Variants in CTNNA2 observed in about 807,000 individuals in gnomAD.
CTNNA2 encodes the protein catenin alpha-2.
Under a neutral mutation model 101.0 loss-of-function variants are expected in CTNNA2, and 42 were observed. The ratio of observed to expected loss-of-function variants is 0.42; its 90% CI spans 0.32 to 0.54. The LOEUF (loss-of-function observed/expected upper bound fraction) is 0.54, where lower values mean the gene tolerates loss of function less well. Ranked by LOEUF, CTNNA2 falls within the 20% of genes least tolerant of loss-of-function variation. The pLI is 0.14. For synonymous variants in CTNNA2, 450 were observed against 456.4 expected, an observed-to-expected ratio of 0.99 and a Z score of 0.18; for missense variants, 871 against 1,223.1, an observed-to-expected ratio of 0.71 and a Z score of 4.29.
At chr2:80,111,311 T>C (rs575101816) in intron 7 of CTNNA2, among the ~76,000 whole-genome samples, 2 of 152,324 alleles carry the variant, frequency 1.3e-5, no homozygotes, top group East Asian at 3.9e-4. Context: ...GGCAATATGG[T>C]TCTGTGAGCA....
At chr2:80,225,133 G>T (rs1708803701) in intron 7 of CTNNA2, among the ~76,000 whole-genome samples, 1 of 152,106 alleles carries the variant, frequency 6.6e-6, no homozygotes, top group Admixed American at 6.5e-5. Context: ...GGTCAGTGCT[G>T]TCTCCTCCTT....
intron 7 of CTNNA2, among the ~76,000 whole-genome samples, chr2:79,996,408 G>C (rs1692548872): frequency 6.6e-6 from 1 of 152,114 alleles, no homozygotes; most frequent in South Asian, 2.1e-4. Context: ...ATTCTGATTT[G>C]AGATCCATGA....
intron 7 of CTNNA2, among the ~76,000 whole-genome samples, chr2:79,961,050 A>T (rs1689591994): frequency 1.3e-5 from 2 of 152,226 alleles, no homozygotes; most frequent in Admixed American, 1.3e-4. Flanking sequence ...GCGAATTAAA[A>T]TTGTGGATGG....
At chr2:80,545,355 T>C (rs1691951688) in intron 10 of CTNNA2, among the ~76,000 whole-genome samples, 1 of 152,170 alleles carries the variant, frequency 6.6e-6, no homozygotes, top group Non-Finnish European at 1.5e-5. Flanking sequence ...AAGGCCAGCC[T>C]GGGCAACATA....
Position 80,386,878 on chromosome 2 carries a change from A to AT in CTNNA2, c.1057-6333_1057-6332insT, listed in dbSNP as rs201122233. 4.4e-3 allele frequency among the ~76,000 whole-genome samples: 670 copies of AT among 152,322 alleles called. 6 individuals are homozygous for AT. The highest frequency in any genetic ancestry group is 0.016 in the African/African-American group (649 of 41,570). ...ACAACCATGTCCCACATATTAATAT[A>AT]GTACCCTGAAACATGGTTGATGTGC... On this transcript the variant is annotated intron_variant, in intron 7 of 18. Coordinates refer to ENST00000402739, the MANE Select transcript of CTNNA2 (RefSeq NM_001282597.3).
In CTNNA2 at chr2:79,790,220, A is replaced by C. The variant is rs187457111; in HGVS notation, c.298+45638A>C. Among the ~76,000 whole-genome samples, 447 of 152,270 alleles carry C rather than the reference A, an allele frequency of 2.9e-3. 2 individuals carry two copies. Among genetic ancestry groups the C allele is most frequent in the Non-Finnish European group, 4.9e-3 (331 of 68,022 alleles). On this transcript the variant is annotated intron_variant, in intron 3 of 18. Coordinates refer to ENST00000402739, the MANE Select transcript of CTNNA2 (RefSeq NM_001282597.3). ...CAAATGAAACGCTGGGGAAGAGGAA[A>C]AGAGGAATTTCCGCTAGGAACTGTT... is the stretch of plus-strand genomic sequence containing the variant.
At chr2:80,636,538 TA>T (rs1672899783) in intron 18 of CTNNA2, among the ~76,000 whole-genome samples, 1 of 152,096 alleles carries the variant, frequency 6.6e-6, no homozygotes, top group South Asian at 2.1e-4. Context: ...TAACAGTGTA[TA>T]CCTGAGAATC....
intron 7 of CTNNA2, among the ~76,000 whole-genome samples, chr2:80,263,580 C>G (rs1051898689): frequency 6.6e-6 from 1 of 152,350 alleles, no homozygotes; most frequent in Non-Finnish European, 1.5e-5. Flanking sequence ...AAGTGATCCA[C>G]CTGCCTCGGC....
intron 12 of CTNNA2, among the ~76,000 whole-genome samples, chr2:80,559,417 GC>G (rs1369982708): frequency 1.3e-5 from 2 of 152,274 alleles, no homozygotes; most frequent in Non-Finnish European, 2.9e-5. Flanking sequence ...CCACTTGGCT[GC>G]CCTCGCTGAG....
intron 2 of CTNNA2, among the ~76,000 whole-genome samples, chr2:79,208,585 A>G (rs1180456364): frequency 6.6e-6 from 1 of 152,154 alleles, no homozygotes; most frequent in Non-Finnish European, 1.5e-5. Flanking sequence ...ACTTGAGGTA[A>G]GTGTGGTGTA....
At chr2:80,026,606 C>A (rs373711527) in intron 7 of CTNNA2, among the ~76,000 whole-genome samples, 1 of 152,086 alleles carries the variant, frequency 6.6e-6, no homozygotes, top group East Asian at 1.9e-4. Flanking sequence ...GAGGTGGACA[C>A]CACTTTACTT....
chr2:79,447,573 G>A (rs1678848099), intron 4 of CTNNA2, among the ~76,000 whole-genome samples: 1 of 151,960 alleles, frequency 6.6e-6, no homozygotes, highest in Non-Finnish European at 1.5e-5. Context: ...CTCCTAATGA[G>A]GTCCTCATGC....
chr2:79,971,134 A>T (rs1452707109), intron 7 of CTNNA2, among the ~76,000 whole-genome samples: 1 of 151,934 alleles, frequency 6.6e-6, no homozygotes, highest in Non-Finnish European at 1.5e-5. Flanking sequence ...CTATCCTTCT[A>T]CCTAAGGCTG....
chr2:79,314,809 G>T (rs182980740), intron 3 of CTNNA2, among the ~76,000 whole-genome samples: 1 of 152,282 alleles, frequency 6.6e-6, no homozygotes, highest in Non-Finnish European at 1.5e-5. Context: ...CCTGAGAAAG[G>T]CTACACTGTG....
At chr2:79,283,519 C>A (rs1251563804) in intron 2 of CTNNA2, among the ~76,000 whole-genome samples, 1 of 138,152 alleles carries the variant, frequency 7.2e-6, no homozygotes. Context: ...ATAGGGAATC[C>A]TTTCCCTATT....
chr2:80,414,323 G>A (rs1398800504), intron 8 of CTNNA2, among the ~76,000 whole-genome samples: 1 of 152,170 alleles, frequency 6.6e-6, no homozygotes, highest in Admixed American at 6.5e-5. Context: ...CTAGTTCATA[G>A]CTTTTGATCT....
At chr2:80,405,911 T>C (rs926031799) in intron 8 of CTNNA2, among the ~76,000 whole-genome samples, 2 of 152,174 alleles carry the variant, frequency 1.3e-5, no homozygotes, top group African/African-American at 4.8e-5. Flanking sequence ...AATTTCTTAG[T>C]TTTTCACGAA....
intron 7 of CTNNA2, chr2:80,029,319 G>C (rs893423384): frequency 1.3e-5 from 2 of 152,216 alleles, no homozygotes; most frequent in Non-Finnish European, 2.9e-5. Flanking sequence ...TTCTTCCTCT[G>C]TGAGAGTTTC....
At chr2:80,122,301 C>G (rs1465653085) in intron 7 of CTNNA2, among the ~76,000 whole-genome samples, 8 of 151,482 alleles carry the variant, frequency 5.3e-5, no homozygotes, top group Non-Finnish European at 1.0e-4. Flanking sequence ...CTCAATCTCT[C>G]TTCCCTCTCT....
Sources: gnomAD v4.1 joint callset for allele counts (sites outside exome capture counted in the v4.1 genomes callset) on GRCh38, gnomAD v4.1.1 for gene constraint, MANE v1.5 for transcripts, NCBI Gene and HGNC (gene_info 2026-07-23, HGNC 2026-07-21) for gene names.